Variants in EFCAB7 observed in about 807,000 individuals in gnomAD.
EFCAB7 encodes EF-hand calcium-binding domain-containing protein 7.
A neutral mutation model predicts 77.1 loss-of-function variants in EFCAB7; 66 were observed. The ratio of observed to expected loss-of-function variants is 0.86; its 90% confidence interval spans 0.70 to 1.05. The LOEUF (loss-of-function observed/expected upper bound fraction) is 1.05. EFCAB7 is among the 50% of genes least tolerant of loss of function. EFCAB7 has a pLI of 0.00. For missense variants in EFCAB7, 638 were observed against 730.5 expected (o/e 0.87, Z 1.46); for synonymous variants, 225 against 243.3 (o/e 0.92, Z 0.70).
At chr1:63,556,987 G>C in intron 9 of EFCAB7, 127 bp from the exon 10 acceptor site, 1 of 650,060 alleles carries the variant, frequency 1.5e-6, no homozygotes, top group African/African-American at 2.0e-5. Flanking sequence ...GCAGTGAGCC[G>C]AGATCACGCC....
At chr1:63,536,053 G>A (rs1646759204) in intron 6 of EFCAB7, among the ~76,000 whole-genome samples, 1 of 152,156 alleles carries the variant, frequency 6.6e-6, no homozygotes, top group South Asian at 2.1e-4. Context: ...AGAGACTAAA[G>A]TTTTGTATGT....
At chr1:63,532,058 T>C in intron 3 of EFCAB7, 27 bp downstream of exon 3, 2 of 1,554,636 alleles carry the variant, frequency 1.3e-6, no homozygotes, top group South Asian at 2.3e-5. Context: ...TGTTTTGTAA[T>C]GTGCATATTT....
chr1:63,545,916 G>A lies in EFCAB7; in HGVS notation c.805G>A (p.Asp269Asn). The change falls in exon 7 of 14, where the codon GAC becomes AAC. Residue 269 changes from aspartate (D) to asparagine (N), a missense_variant and splice_region_variant. Asp to Asn is a conservative substitution (Grantham distance 23). Transcript: ENST00000371088. ...GAAATAATTTTTTCCTTCATTTCAG[G>A]ACTGGCAACACATGCAATCAAAAGG... The part of the protein sequence containing the change: ...SKLMEPNLIK[D>N]WQHMQSKGCF... The A allele has an allele frequency of 6.2e-7, 1 of 1,612,746 alleles. No individual in the cohort carries two copies. The highest frequency in any genetic ancestry group is 8.5e-7 in the Non-Finnish European group (1 of 1,179,534).
rs1185981461 is a variant in EFCAB7 at position 63,571,015 on chromosome 1, TAATA to T, written c.1708-5_1708-2del. The T allele has an allele frequency of 4.4e-6, 7 of 1,585,522 alleles. No homozygotes were observed. The highest frequency in any genetic ancestry group is 6.0e-6 in the Non-Finnish European group (7 of 1,164,654). On this transcript the variant is annotated splice_acceptor_variant and splice_polypyrimidine_tract_variant and intron_variant, in intron 12 of 13. Coordinates refer to ENST00000371088, the MANE Select transcript of EFCAB7 (RefSeq NM_032437.4). LOFTEE classifies it high-confidence loss of function. ...AATAGCAGCTTATGAAATCTTTTTT[TAATA>T]GTCAGATGAGAAAGTGATTATTCAC...
rs773019213 is a variant in EFCAB7, at chr1:63,571,089, C to T, written c.1776C>T (p.Leu592=). Residue 592 remains leucine, a synonymous_variant, in exon 13 of 14, where the codon CTC becomes CTT. Coordinates refer to ENST00000371088, the MANE Select transcript of EFCAB7 (RefSeq NM_032437.4). ...LSKNCINNRG[L]NIFAVEVGPK... The stretch of plus-strand genomic sequence containing the variant: ...AAAACTGCATAAACAACAGAGGACT[C>T]AACATATTTGCAGTAGAAGTGGGAC... 9.9e-6 allele frequency: 16 copies of T among 1,611,252 alleles called. No homozygotes were observed. In the South Asian group the frequency reaches 1.4e-4, roughly 14 times the overall value.
chr1:63,562,443 ATTTATT>A (rs1439703065), intron 11 of EFCAB7, among the ~76,000 whole-genome samples: 1 of 29,708 alleles, frequency 3.4e-5, no homozygotes, highest in African/African-American at 1.3e-4. Flanking sequence ...GGCCTTCTTA[ATTTATT>A]TATATATATA....
chr1:63,565,338 G>A (rs1437673143), intron 11 of EFCAB7, among the ~76,000 whole-genome samples: 1 of 150,626 alleles, frequency 6.6e-6, no homozygotes, highest in Non-Finnish European at 1.5e-5. Context: ...CAGCCTGGGC[G>A]AGAGTGCGAG....
At chr1:63,574,827 G>A (rs11208245), downstream of EFCAB7, among the ~76,000 whole-genome samples, 22,766 of 152,186 alleles carry the variant, frequency 0.15, 2,204 homozygotes, top group South Asian at 0.22. Context: ...ATATTGACGC[G>A]TAGTCCTTTT....
chr1:63,572,338 AGGG>A, intron 13 of EFCAB7, 101 bp from the exon 14 acceptor site: 1 of 854,780 alleles, frequency 1.2e-6, no homozygotes, highest in South Asian at 1.7e-5. Context: ...TTATCTGTAC[AGGG>A]ATATTCTTAT....
At chr1:63,581,933 G>A in the EFCAB7 span, among the ~76,000 whole-genome samples, 1 of 152,178 alleles carries the variant, frequency 6.6e-6, no homozygotes, top group East Asian at 1.9e-4. Flanking sequence ...GCCATTCATA[G>A]TCGAGACAAA....
At chr1:63,554,276 A>G (rs1647000162) in intron 8 of EFCAB7, among the ~76,000 whole-genome samples, 1 of 152,212 alleles carries the variant, frequency 6.6e-6, no homozygotes, top group Non-Finnish European at 1.5e-5. Flanking sequence ...TTTTATAGGA[A>G]ACCTTTGGGC....
At chr1:63,580,280 T>C in the EFCAB7 span, among the ~76,000 whole-genome samples, 1 of 152,212 alleles carries the variant, frequency 6.6e-6, no homozygotes, top group African/African-American at 2.4e-5. Flanking sequence ...TTTTTTTTCA[T>C]ATGGATGTCA....
chr1:63,552,069 G>A (rs1437942411), intron 8 of EFCAB7, among the ~76,000 whole-genome samples: 1 of 151,780 alleles, frequency 6.6e-6, no homozygotes, highest in African/African-American at 2.4e-5. Context: ...TTAAGGATGG[G>A]AGGAGCTGGG....
intron 9 of EFCAB7, among the ~76,000 whole-genome samples, chr1:63,555,737 C>CT (rs934501825): frequency 3.3e-4 from 48 of 144,928 alleles, no homozygotes; most frequent in Admixed American, 4.2e-4. Context: ...TATGTGGGAA[C>CT]TTTTTTTTTT....
intron 9 of EFCAB7, among the ~76,000 whole-genome samples, chr1:63,556,113 G>A (rs978334943): frequency 1.3e-5 from 2 of 151,970 alleles, no homozygotes; most frequent in Admixed American, 6.6e-5. Context: ...TGGAAGTAGT[G>A]GGGGGGTTGG....
At chr1:63,583,613 G>A in the EFCAB7 span, among the ~76,000 whole-genome samples, 1 of 152,074 alleles carries the variant, frequency 6.6e-6, no homozygotes, top group Non-Finnish European at 1.5e-5. Context: ...CTCATTTCAC[G>A]TGGGAGGTAC....
intron 6 of EFCAB7, among the ~76,000 whole-genome samples, chr1:63,544,072 C>T (rs1570404454): frequency 2.0e-5 from 3 of 149,932 alleles, no homozygotes; most frequent in East Asian, 2.0e-4. Context: ...CAGGTTCAAG[C>T]GATTCTCCTG....
downstream of EFCAB7, among the ~76,000 whole-genome samples, chr1:63,575,303 CT>C (rs919483642): frequency 1.3e-5 from 2 of 151,322 alleles, no homozygotes; most frequent in South Asian, 2.1e-4. Context: ...TTGGGGTAGA[CT>C]TTTTTTTAAA....
At chr1:63,546,428 G>C (rs1198086729) in intron 7 of EFCAB7, among the ~76,000 whole-genome samples, 2 of 151,402 alleles carry the variant, frequency 1.3e-5, no homozygotes, top group East Asian at 1.9e-4. Context: ...GCAGTGGCTC[G>C]ATCTTGGCTC....
Sources: gnomAD v4.1 joint callset for allele counts (sites outside exome capture counted in the v4.1 genomes callset) on GRCh38, gnomAD v4.1.1 for gene constraint, MANE v1.5 for transcripts, NCBI Gene and HGNC (gene_info 2026-07-23, HGNC 2026-07-21) for gene names.